PTPN23: variants seen among roughly 807,000 people sequenced by gnomAD.
PTPN23 encodes the protein protein tyrosine phosphatase non-receptor type 23.
PTPN23 carries 72 observed loss-of-function variants against 156.3 expected under a neutral mutation model. That is an observed-to-expected ratio of 0.46 (90% CI 0.38 to 0.56). The LOEUF (loss-of-function observed/expected upper bound fraction) is 0.56, where lower values mean the gene tolerates loss of function less well. PTPN23 is among the 20% of genes least tolerant of loss of function. PTPN23 has a pLI of 0.00. For synonymous variants in PTPN23, 957 were observed against 899.6 expected (o/e 1.06, Z -1.14); for missense variants, 1,974 against 2,171.5 (o/e 0.91, Z 1.81).
At chr3:47,383,887 C>G (rs536519245) in intron 1 of PTPN23, among the ~76,000 whole-genome samples, 2 of 152,166 alleles carry the variant, frequency 1.3e-5, no homozygotes, top group Non-Finnish European at 2.9e-5. Context: ...GGGACTCTTC[C>G]CAACCTGCAC....
At position 47,413,386 on chromosome 3, in the gene PTPN23, G is replaced by A. The variant is rs947925496; in HGVS notation, c.*201G>A. 5 of 659,232 alleles carry A rather than the reference G, an allele frequency of 7.6e-6. No homozygotes were observed. The highest frequency in any genetic ancestry group is 6.4e-5 in the Admixed American group (2 of 31,310). The allele number at this position is 659,232 out of a possible 1,614,324, so 40.8% of individuals were successfully genotyped here. A position where few individuals can be genotyped will look rare whatever the true frequency, so the allele number is the denominator to read the frequency against. Reference sequence around the variant, plus strand: ...CAGGTTCTGCTCCTTTATGGGACCCGACATTTTTCAGCTCTTTGCTATTGA... The same window carrying A: ...CAGGTTCTGCTCCTTTATGGGACCCAACATTTTTCAGCTCTTTGCTATTGA... On this transcript the variant is annotated 3_prime_UTR_variant, in exon 25 of 25. Transcript: ENST00000265562.
intron 1 of PTPN23, among the ~76,000 whole-genome samples, chr3:47,385,815 C>G (rs1351610735): frequency 6.6e-6 from 1 of 152,304 alleles, no homozygotes; most frequent in East Asian, 1.9e-4. Context: ...ATCTCCCATC[C>G]TCCCACTCTG....
In PTPN23 at chr3:47,409,053, C is replaced by T. The variant is rs1220543547; in HGVS notation, c.1608C>T (p.Val536=). 1.9e-6 allele frequency: 3 copies of T among 1,613,464 alleles called. No individual in the cohort carries two copies. The highest frequency in any genetic ancestry group is 2.2e-5 in the South Asian group (2 of 91,022). ...TGCTCAGCGGGCCGCTTGACCAGGT[C>T]CGGGCTGCCCTGCCCACACCGGCCC... ...LRLLSGPLDQ[V]RAALPTPALS... Residue 536 remains valine (V), a synonymous_variant, in exon 16 of 25, where the codon GTC becomes GTT. Transcript: ENST00000265562.
chr3:47,412,763 T>C lies in PTPN23; in HGVS notation c.4489T>C (p.Ser1497Pro), dbSNP rs1705352930. ...CCTCGGTGGGGATGTGCCCATCAGC[T>C]CCATCCAGGCCACCATTGCCAAGCT... Reference protein sequence around the residue: ...LVLGGDVPISSIQATIAKLSI... With the variant: ...LVLGGDVPISPIQATIAKLSI... The change falls in exon 25 of 25, where the codon TCC becomes CCC. Residue 1497 changes from serine (S) to proline (P), a missense_variant. Physicochemically the swap from Ser to Pro is moderately conservative, Grantham distance 74. Transcript: ENST00000265562. The C allele has an allele frequency of 6.2e-7, 1 of 1,611,600 alleles. No homozygotes were observed. Among genetic ancestry groups the C allele is most frequent in the African/African-American group, 1.3e-5 (1 of 74,828 alleles).
chr3:47,397,831 G>A (rs561953002), intron 2 of PTPN23, among the ~76,000 whole-genome samples: 6 of 152,142 alleles, frequency 3.9e-5, no homozygotes, highest in South Asian at 2.1e-4. Flanking sequence ...CACCACGCCC[G>A]GCTAATTTTT....
chr3:47,411,338 C>T lies in PTPN23; in HGVS notation c.3540C>T (p.Ala1180=), dbSNP rs769105075. 1.9e-6 allele frequency: 3 copies of T among 1,612,932 alleles called. No homozygotes were observed. The highest frequency in any genetic ancestry group is 1.7e-6 in the Non-Finnish European group (2 of 1,180,018). Residue 1180 remains alanine (A), a synonymous_variant, in exon 20 of 25, where the codon GCC becomes GCT. Coordinates refer to ENST00000265562, the MANE Select transcript of PTPN23 (RefSeq NM_015466.4). This position sits in a 1 kb window ranked among gnomAD's most constrained non-coding sequence, Gnocchi z 6.3. ...RLRQLQQELE[A]FRGQLGDVGA... ...GGCAGTTGCAGCAGGAGCTGGAGGC[C>T]TTTCGGGGTCAGCTGGGGGATGTGG...
rs746682497 is a variant in PTPN23, at chr3:47,411,764, T to C, written c.3889-19T>C. The C allele has an allele frequency of 5.0e-6, 8 of 1,599,682 alleles. No individual in the cohort carries two copies. In the African/African-American group the frequency reaches 8.0e-5, roughly 16 times the overall value. The stretch of plus-strand genomic sequence containing the variant: ...GGATCCTGGAAAACCAGGTCTGTCT[T>C]GGCTTATCTGTCCCTCAGCAAAAAG... On this transcript the variant is annotated intron_variant, in intron 20 of 24. Transcript: ENST00000265562. The surrounding 1 kb of genome is among the most constrained non-coding windows in gnomAD (Gnocchi z 6.3).
chr3:47,382,082 C>A (rs942697841), intron 1 of PTPN23, among the ~76,000 whole-genome samples: 15 of 152,134 alleles, frequency 9.9e-5, no homozygotes, highest in African/African-American at 3.6e-4. Context: ...AGATGGTGCA[C>A]CACTTAGCGA....
In PTPN23 at chr3:47,411,462, C is replaced by T. The variant is rs759072500; in HGVS notation, c.3664C>T (p.Arg1222Trp). Residue 1222 changes from arginine to tryptophan, a missense_variant, in exon 20 of 25, where the codon CGG (arginine) becomes TGG (tryptophan). Around this residue, in one of 4 missense-constraint regions of PTPN23, gnomAD observed 33 missense variants for 56.9 expected, o/e 0.58. Coordinates refer to ENST00000265562, the MANE Select transcript of PTPN23 (RefSeq NM_015466.4). This position sits in a 1 kb window ranked among gnomAD's most constrained non-coding sequence, Gnocchi z 6.3. ...TGCCCGCTGCTACTCACTGAAGAACCGGCACCAGGATGTCATGCCCTATGA... is the reference window on the plus strand; with the variant it reads ...TGCCCGCTGCTACTCACTGAAGAACTGGCACCAGGATGTCATGCCCTATGA... ...AIARCYSLKN[R>W]HQDVMPYDSN... 30 of 1,613,082 alleles carry T rather than the reference C, an allele frequency of 1.9e-5. No individual in the cohort carries two copies. Among genetic ancestry groups the T allele is most frequent in the Non-Finnish European group, 2.3e-5 (27 of 1,180,032 alleles).
chr3:47,407,105 C>G lies in PTPN23; in HGVS notation c.808-25C>G. The G allele has an allele frequency of 1.9e-6, 3 of 1,613,714 alleles. No homozygotes were observed. The highest frequency in any genetic ancestry group is 2.5e-6 in the Non-Finnish European group (3 of 1,179,768). On this transcript the variant is annotated intron_variant, in intron 9 of 24. Coordinates refer to ENST00000265562, the MANE Select transcript of PTPN23 (RefSeq NM_015466.4). This position sits in a 1 kb window ranked among gnomAD's most constrained non-coding sequence, Gnocchi z 4.0. The stretch of plus-strand genomic sequence containing the variant: ...AGGGTCCAAGCAGAGGAGGACAGAG[C>G]AGGCTTTCCTGCCACCCTCCACAGG...
rs751439541 is a variant in PTPN23, at chr3:47,410,891, A to C, written c.3093A>C (p.Ser1031=). Residue 1031 remains serine (S), a synonymous_variant, in exon 20 of 25, where the codon TCA becomes TCC. Transcript: ENST00000265562. ...CTCAAGACCCTCTGCCAGCCCACTC[A>C]GGGGCTCTGCCTTTCCCCAGCCCTG... is the stretch of plus-strand genomic sequence containing the variant. The part of the protein sequence containing the change: ...GPAQDPLPAH[S]GALPFPSPGP... 2 of 1,599,592 alleles carry C rather than the reference A, an allele frequency of 1.3e-6. No individual in the cohort carries two copies. Among genetic ancestry groups the C allele is most frequent in the Non-Finnish European group, 1.7e-6 (2 of 1,175,988 alleles).
At position 47,405,938 on chromosome 3, in the gene PTPN23, T is replaced by C; in HGVS notation, c.438T>C (p.His146=). 6.2e-7 allele frequency: 1 copy of C among 1,614,008 alleles called. No individual in the cohort carries two copies. Among genetic ancestry groups the C allele is most frequent in the Non-Finnish European group, 8.5e-7 (1 of 1,180,004 alleles). The change falls in exon 6 of 25, where the codon CAT becomes CAC. Residue 146 remains histidine (H), a synonymous_variant. Coordinates refer to ENST00000265562, the MANE Select transcript of PTPN23 (RefSeq NM_015466.4). The surrounding 1 kb of genome is among the most constrained non-coding windows in gnomAD (Gnocchi z 4.7). ...AGGGCATGAAGGTCTCCTGTACCCA[T>C]TTCCAGTGCGCAGCCGGCGCCTTCG... ...SEEGMKVSCT[H]FQCAAGAFAY... is the part of the protein sequence containing the mutation.
rs777949224 is a variant in PTPN23, at chr3:47,412,987, G to C, written c.4713G>C (p.Gly1571=). ...EPPVPEAPSS[G]PPSSSLELLA... ...CAGTGCCTGAAGCCCCCAGCTCGGG[G>C]CCCCCCTCCTCCTCCCTGGAATTGC... The change falls in exon 25 of 25, where the codon GGG becomes GGC. Residue 1571 remains glycine (G), a synonymous_variant. Transcript: ENST00000265562. The C allele has an allele frequency of 4.3e-6, 7 of 1,611,414 alleles. No individual in the cohort carries two copies. The Admixed American group carries it at 6.7e-5, about 15-fold the overall frequency.
Position 47,404,688 on chromosome 3 carries a change from A to G in PTPN23, c.196A>G (p.Ser66Gly). ...VRVPRDFEGC[S>G]VLRKYLGQLH... ...TGTCCCACGAGACTTTGAGGGCTGT[A>G]GTGTCCTCCGCAAGTACCTCGGCCA... The change falls in exon 3 of 25, where the codon AGT becomes GGT. Residue 66 changes from serine to glycine, a missense_variant. By Grantham distance (56) the Ser-to-Gly change is moderately conservative. This residue lies in a region of PTPN23 where 726 missense variants were observed against 929.5 expected (regional missense o/e 0.78). Transcript: ENST00000265562. The G allele has an allele frequency of 6.2e-7, 1 of 1,613,912 alleles. No individual in the cohort carries two copies. Among genetic ancestry groups the G allele is most frequent in the Non-Finnish European group, 8.5e-7 (1 of 1,180,000 alleles).
chr3:47,401,596 G>A (rs1704995678), intron 2 of PTPN23, among the ~76,000 whole-genome samples: 1 of 152,228 alleles, frequency 6.6e-6, no homozygotes, highest in Non-Finnish European at 1.5e-5. Flanking sequence ...TTTTAGAGCT[G>A]TTATTGCTTA....
chr3:47,408,312 C>G, intron 14 of PTPN23, 33 bp from the exon 15 acceptor site: 1 of 1,605,150 alleles, frequency 6.2e-7, no homozygotes, highest in Non-Finnish European at 8.5e-7. Context: ...GGATCAGCAC[C>G]CAGCACCCAC....
Position 47,411,383 on chromosome 3 carries a change from G to T in PTPN23, c.3585G>T (p.Trp1195Cys), listed in dbSNP as rs755956830. Residue 1195 changes from tryptophan (W) to cysteine (C), a missense_variant, in exon 20 of 25, where the codon TGG (tryptophan) becomes TGT (cysteine). Around this residue, in one of 4 missense-constraint regions of PTPN23, gnomAD observed 731 missense variants for 669.1 expected, o/e 1.09. Transcript: ENST00000265562. This position sits in a 1 kb window ranked among gnomAD's most constrained non-coding sequence, Gnocchi z 6.3. ...ATGTGGGAGCTCTGGACACTGTCTG[G>T]CGAGAGCTGCAAGATGCGCAGGAAC... ...LGDVGALDTV[W>C]RELQDAQEHD... The T allele has an allele frequency of 6.2e-7, 1 of 1,613,016 alleles. No individual in the cohort carries two copies. The highest frequency in any genetic ancestry group is 8.5e-7 in the Non-Finnish European group (1 of 1,180,028).
At position 47,413,053 on chromosome 3, in the gene PTPN23, C is replaced by T; in HGVS notation, c.4779C>T (p.Ser1593=). ...LTPEAFSLDS[S]LRGKQRMSKH... ...CAGAGGCCTTCTCCCTGGACAGCTC[C>T]CTGCGGGGCAAACAGCGGATGAGCA... The change falls in exon 25 of 25, where the codon TCC becomes TCT. Residue 1593 remains serine (S), a synonymous_variant. Transcript: ENST00000265562. The T allele has an allele frequency of 6.2e-7, 1 of 1,612,958 alleles. No homozygotes were observed. Among genetic ancestry groups the T allele is most frequent in the Non-Finnish European group, 8.5e-7 (1 of 1,180,028 alleles).
chr3:47,390,681 C>T (rs901110854), intron 1 of PTPN23, among the ~76,000 whole-genome samples: 2 of 152,252 alleles, frequency 1.3e-5, no homozygotes, highest in South Asian at 2.1e-4. Context: ...GAGGAGTGAT[C>T]AGCAGTCACA....
Sources: gnomAD v4.1 joint callset for allele counts (sites outside exome capture counted in the v4.1 genomes callset) on GRCh38, gnomAD v4.1.1 for gene constraint, gnomAD v4.1.1 regional missense constraint, Gnocchi (gnomAD v3.1) non-coding constraint, MANE v1.5 for transcripts, NCBI Gene and HGNC (gene_info 2026-07-23, HGNC 2026-07-21) for gene names.